Variants in ALOX5 observed in about 807,000 individuals in gnomAD.
ALOX5 encodes polyunsaturated fatty acid 5-lipoxygenase.
In ALOX5, 64 loss-of-function variants were observed where a neutral mutation model predicts 87.9. That is an observed-to-expected ratio of 0.73 (90% CI 0.60 to 0.90). The LOEUF (loss-of-function observed/expected upper bound fraction) is 0.90. Among genes scored for constraint, ALOX5 ranks in the 40% least tolerant of loss-of-function variants. The pLI is 0.00. For missense variants in ALOX5, 822 were observed against 907.5 expected, an observed-to-expected ratio of 0.91 and a Z score of 1.21; for synonymous variants, 388 against 355.1, an observed-to-expected ratio of 1.09 and a Z score of -1.04.
chr10:45,443,486 G>A lies in ALOX5; in HGVS notation c.1522G>A (p.Asp508Asn). ...QVVEEDPELQ[D>N]FVNDVYVYGM... The stretch of plus-strand genomic sequence containing the variant: ...GGTGGAGGAGGACCCGGAGCTGCAG[G>A]ACTTCGTGAACGATGTCTACGTGTA... The change falls in exon 11 of 14, where the codon GAC (aspartate) becomes AAC (asparagine). Residue 508 changes from aspartate to asparagine, a missense_variant. Transcript: ENST00000374391. 1 of 1,613,268 alleles carries A rather than the reference G, an allele frequency of 6.2e-7. No individual in the cohort carries two copies. The highest frequency in any genetic ancestry group is 8.5e-7 in the Non-Finnish European group (1 of 1,179,612).
intron 3 of ALOX5, among the ~76,000 whole-genome samples, chr10:45,397,657 A>G (rs1251499870): frequency 1.3e-5 from 2 of 152,238 alleles, no homozygotes; most frequent in African/African-American, 4.8e-5. Context: ...AACCACCAAG[A>G]TTGCAAGATA....
At chr10:45,415,871 T>C (rs560111019) in intron 4 of ALOX5, among the ~76,000 whole-genome samples, 75 of 152,356 alleles carry the variant, frequency 4.9e-4, no homozygotes, top group African/African-American at 1.7e-3. Flanking sequence ...TGTAGCTATC[T>C]TCGTTTCTTG....
intron 4 of ALOX5, among the ~76,000 whole-genome samples, chr10:45,419,331 G>A (rs548417519): frequency 1.3e-3 from 201 of 152,384 alleles, no homozygotes; most frequent in Non-Finnish European, 1.5e-3. Context: ...AAGGGACGCT[G>A]GGCACGAAGG....
At position 45,395,910 on chromosome 10, in the gene ALOX5, A is replaced by G. The variant is rs780972170; in HGVS notation, c.405A>G (p.Glu135=). 11 of 1,614,142 alleles carry G rather than the reference A, an allele frequency of 6.8e-6. No homozygotes were observed. The highest frequency in any genetic ancestry group is 9.3e-6 in the Non-Finnish European group (11 of 1,180,064). The change falls in exon 3 of 14, where the codon GAA becomes GAG. Residue 135 remains glutamate (E), a synonymous_variant. Coordinates refer to ENST00000374391, the MANE Select transcript of ALOX5 (RefSeq NM_000698.5). The part of the protein sequence containing the change: ...IHILKQHRRK[E]LETRQKQYRW... ...TTCTCAAGCAACACCGACGTAAAGA[A>G]CTGGAAACACGGCAAAAACAATATC...
At position 45,383,841 on chromosome 10, in the gene ALOX5, C is replaced by T. The variant is rs184659554; in HGVS notation, c.349+1160C>T. On this transcript the variant is annotated intron_variant, in intron 2 of 13. Transcript: ENST00000374391. The stretch of plus-strand genomic sequence containing the variant: ...TGACAGGAAAAAAAATCACAAAGTT[C>T]ATTTATTCCTGTGGTCAACAGAATG... Among the ~76,000 whole-genome samples the T allele has an allele frequency of 1.9e-4, 29 of 152,240 alleles. No individual in the cohort carries two copies. The East Asian group carries it at 5.6e-3, about 29-fold the overall frequency.
rs774179264 is a variant in ALOX5, at chr10:45,424,948, T to A, written c.662-12T>A. 6.2e-7 allele frequency: 1 copy of A among 1,614,036 alleles called. No individual in the cohort carries two copies. The highest frequency in any genetic ancestry group is 2.2e-5 in the East Asian group (1 of 44,872). ...TCAGAGCTCAGGGTGGGCCTCGCTT[T>A]TCTCCTGGTAGAGCGGGTCATGAAT... On this transcript the variant is annotated splice_polypyrimidine_tract_variant and intron_variant, in intron 5 of 13. Transcript: ENST00000374391.
chr10:45,379,071 A>G (rs1313340306), intron 1 of ALOX5, among the ~76,000 whole-genome samples: 1 of 152,072 alleles, frequency 6.6e-6, no homozygotes, highest in Non-Finnish European at 1.5e-5. Flanking sequence ...ACTCCCTCAG[A>G]GAAGCTGCTC....
chr10:45,445,641 A>T lies in ALOX5; in HGVS notation c.1979A>T (p.Tyr660Phe). 6.2e-7 allele frequency: 1 copy of T among 1,614,018 alleles called. No homozygotes were observed. The highest frequency in any genetic ancestry group is 8.5e-7 in the Non-Finnish European group (1 of 1,179,980). The change falls in exon 14 of 14, where the codon TAT becomes TTT. Residue 660 changes from tyrosine to phenylalanine, a missense_variant. Transcript: ENST00000374391. ...AERNKKKQLP[Y>F]YYLSPDRIPN... is the part of the protein sequence containing the mutation. ...CGCAACAAGAAGAAGCAGCTGCCAT[A>T]TTACTACTTGTCCCCAGACCGGATT...
chr10:45,437,320 T>C (rs1589045216), intron 7 of ALOX5, among the ~76,000 whole-genome samples: 1 of 152,268 alleles, frequency 6.6e-6, no homozygotes, highest in African/African-American at 2.4e-5. Context: ...ACCACTGCAC[T>C]CCAGCCTGGG....
chr10:45,381,200 G>T (rs976643146), intron 1 of ALOX5, among the ~76,000 whole-genome samples: 9 of 152,170 alleles, frequency 5.9e-5, no homozygotes, highest in African/African-American at 1.9e-4. Flanking sequence ...ACACAGCCTG[G>T]GGTGGTGCCT....
At chr10:45,404,585 G>T (rs1045867435) in intron 3 of ALOX5, among the ~76,000 whole-genome samples, 1 of 152,238 alleles carries the variant, frequency 6.6e-6, no homozygotes, top group Non-Finnish European at 1.5e-5. Context: ...TATTGAAGAG[G>T]ATCTGGTTGA....
rs1430036230 is a variant in ALOX5 at position 45,431,730 on chromosome 10, G to A, written c.981+2966G>A. ...TGGGATTACAGGCACCTGCCACCAC[G>A]CCCAGCTAATTTTTTGTATTTTTAG... On this transcript the variant is annotated intron_variant, in intron 7 of 13. Transcript: ENST00000374391. Among the ~76,000 whole-genome samples the A allele has an allele frequency of 3.3e-5, 5 of 151,798 alleles. No individual in the cohort carries two copies. The South Asian group carries it at 6.2e-4, about 19-fold the overall frequency.
At chr10:45,377,454 C>CT (rs1347543591) in intron 1 of ALOX5, among the ~76,000 whole-genome samples, 3 of 152,034 alleles carry the variant, frequency 2.0e-5, no homozygotes, top group South Asian at 2.1e-4. Context: ...CCTCTACACT[C>CT]TGTCTTCCAG....
intron 3 of ALOX5, among the ~76,000 whole-genome samples, chr10:45,400,702 A>G (rs929012199): frequency 1.3e-5 from 2 of 152,208 alleles, no homozygotes; most frequent in African/African-American, 4.8e-5. Context: ...GGAAGACCCC[A>G]TATTGTGTGA....
Position 45,443,786 on chromosome 10 carries a change from C to G in ALOX5, c.1632C>G (p.Ile544Met). The G allele has an allele frequency of 1.9e-6, 3 of 1,611,876 alleles. No homozygotes were observed. Among genetic ancestry groups the G allele is most frequent in the Non-Finnish European group, 2.5e-6 (3 of 1,179,242 alleles). The change falls in exon 12 of 14, where the codon ATC (isoleucine) becomes ATG (methionine). Residue 544 changes from isoleucine (I) to methionine (M), a missense_variant. Coordinates refer to ENST00000374391, the MANE Select transcript of ALOX5 (RefSeq NM_000698.5). ...TGTCGGAGTACCTGACCGTGGTGAT[C>G]TTCACCGCCTCCGCCCAGCACGCCG... is the stretch of plus-strand genomic sequence containing the variant. ...EQLSEYLTVV[I>M]FTASAQHAAV...
chr10:45,407,919 G>A (rs11239520), intron 3 of ALOX5, among the ~76,000 whole-genome samples: 20,694 of 152,144 alleles, frequency 0.14, 1,599 homozygotes, highest in Non-Finnish European at 0.16. Context: ...GAACCAAAAG[G>A]GGGAGGCAGG....
intron 4 of ALOX5, among the ~76,000 whole-genome samples, chr10:45,413,913 C>G (rs12267889): frequency 0.018 from 2,804 of 152,236 alleles, 81 homozygotes; most frequent in African/African-American, 0.065. Flanking sequence ...AGGAGAACTA[C>G]AAACCACTGC....
chr10:45,444,034 G>A, intron 12 of ALOX5, 82 bp from the exon 13 acceptor site: 7 of 1,467,422 alleles, frequency 4.8e-6, no homozygotes, highest in South Asian at 1.4e-5. Context: ...GAGTTGGGGG[G>A]CACGGGGAGG....
intron 10 of ALOX5, 49 bp downstream of exon 10, chr10:45,443,265 C>T: frequency 6.3e-7 from 1 of 1,593,796 alleles, no homozygotes; most frequent in Non-Finnish European, 8.6e-7. Context: ...GGGACCCCTG[C>T]CTGACTACCT....
Sources: allele counts gnomAD v4.1 joint callset (sites outside exome capture counted in the v4.1 genomes callset), GRCh38; gene constraint gnomAD v4.1.1; transcripts MANE v1.5; gene names NCBI Gene and HGNC (gene_info 2026-07-23, HGNC 2026-07-21).